Variants in RGS6 observed in about 807,000 individuals in gnomAD.
The protein encoded by RGS6 is regulator of G protein signaling 6.
In RGS6, 30 loss-of-function variants were observed where a neutral mutation model predicts 78.5. The ratio of observed to expected loss-of-function variants is 0.38; its 90% CI spans 0.29 to 0.52. The LOEUF (loss-of-function observed/expected upper bound fraction) is 0.52, where lower values mean the gene tolerates loss of function less well. RGS6 is among the 20% of genes least tolerant of loss of function. RGS6 has a pLI of 0.85. For missense variants in RGS6, 495 were observed against 609.7 expected (o/e 0.81, Z 1.98); for synonymous variants, 206 against 206.0 (o/e 1.00, Z 0.00).
At chr14:72,193,783 T>A (rs1358742236) in intron 2 of RGS6, among the ~76,000 whole-genome samples, 1 of 152,078 alleles carries the variant, frequency 6.6e-6, no homozygotes, top group African/African-American at 2.4e-5. Context: ...AGGCAAGGTA[T>A]ATGGCTGGTA....
chr14:72,176,101 G>A (rs545387003), intron 2 of RGS6, among the ~76,000 whole-genome samples: 1 of 152,292 alleles, frequency 6.6e-6, no homozygotes, highest in South Asian at 2.1e-4. Flanking sequence ...AGGTGGCCCT[G>A]AGTCCCTGTG....
At chr14:72,470,349 C>T (rs1282574532) in intron 8 of RGS6, among the ~76,000 whole-genome samples, 1 of 152,186 alleles carries the variant, frequency 6.6e-6, no homozygotes, top group Non-Finnish European at 1.5e-5. Context: ...AGAAGGTGTA[C>T]CTATTTCCCC....
chr14:72,055,077 G>A (rs1453288266), intron 2 of RGS6, among the ~76,000 whole-genome samples: 1 of 152,206 alleles, frequency 6.6e-6, no homozygotes, highest in Non-Finnish European at 1.5e-5. Flanking sequence ...TATGAGCAGA[G>A]CTGTTAGTAA....
chr14:72,538,020 G>A (rs185445110), intron 16 of RGS6, among the ~76,000 whole-genome samples: 185 of 152,328 alleles, frequency 1.2e-3, no homozygotes, highest in African/African-American at 4.3e-3. Context: ...TATCCTCCCA[G>A]CTCCCGAAGT....
rs114046873 is a variant in RGS6, at chr14:72,311,440, C to T, written c.85-40655C>T. On this transcript the variant is annotated intron_variant, in intron 2 of 17. Transcript: ENST00000553525. Reference sequence around the variant, plus strand: ...AGATTGTTAATGTTTAATGCACTCTCATCAAAGTGGGATAATCCTACGGCT... The same window carrying T: ...AGATTGTTAATGTTTAATGCACTCTTATCAAAGTGGGATAATCCTACGGCT... 2.5e-3 allele frequency among the ~76,000 whole-genome samples: 383 copies of T among 151,996 alleles called. 2 individuals carry two copies. Among genetic ancestry groups the T allele is most frequent in the African/African-American group, 8.9e-3 (368 of 41,422 alleles).
chr14:72,336,585 G>C (rs1036258508), intron 2 of RGS6, among the ~76,000 whole-genome samples: 2 of 152,068 alleles, frequency 1.3e-5, no homozygotes, highest in Non-Finnish European at 2.9e-5. Flanking sequence ...AGGACAGAAA[G>C]GGAAGATGAG....
chr14:71,957,017 G>A (rs1055718537), intron 1 of RGS6, among the ~76,000 whole-genome samples: 1 of 152,190 alleles, frequency 6.6e-6, no homozygotes, highest in Admixed American at 6.5e-5. Flanking sequence ...TGGACAGAGT[G>A]GAGGATGCTT....
chr14:72,540,200 G>A (rs1440451875), intron 17 of RGS6, 106 bp downstream of exon 17: 1 of 1,504,466 alleles, frequency 6.6e-7, no homozygotes, highest in Non-Finnish European at 9.0e-7. Context: ...CTTTGGGGTG[G>A]GAGGGAGTCC....
At chr14:72,549,945 A>AG (rs1360465100) in intron 17 of RGS6, among the ~76,000 whole-genome samples, 1 of 152,108 alleles carries the variant, frequency 6.6e-6, no homozygotes, top group African/African-American at 2.4e-5. Context: ...GGGCCCTGCC[A>AG]GGGGGACTTG....
chr14:72,446,405 C>A (rs938804388), intron 3 of RGS6, among the ~76,000 whole-genome samples: 6 of 152,146 alleles, frequency 3.9e-5, no homozygotes, highest in African/African-American at 1.2e-4. Context: ...GGAGAAAGAA[C>A]CTTGTTCTCT....
chr14:72,028,092 T>C (rs1255525019), intron 2 of RGS6, among the ~76,000 whole-genome samples: 1 of 152,258 alleles, frequency 6.6e-6, no homozygotes, highest in African/African-American at 2.4e-5. Context: ...TGCAGTTTTG[T>C]GTGGGCAGGT....
intron 3 of RGS6, among the ~76,000 whole-genome samples, chr14:72,442,945 A>C (rs1307894737): frequency 2.0e-5 from 3 of 152,214 alleles, no homozygotes; most frequent in Admixed American, 2.0e-4. Context: ...GCCCCAGACC[A>C]AGAAAGGATG....
At chr14:72,270,103 C>T (rs1213034285) in intron 2 of RGS6, among the ~76,000 whole-genome samples, 1 of 152,206 alleles carries the variant, frequency 6.6e-6, no homozygotes, top group Non-Finnish European at 1.5e-5. Flanking sequence ...TCTAGAGAGG[C>T]TTCCTGGAGG....
chr14:72,216,996 C>T (rs181813435), intron 2 of RGS6, among the ~76,000 whole-genome samples: 11 of 152,198 alleles, frequency 7.2e-5, no homozygotes, highest in East Asian at 3.9e-4. Flanking sequence ...CAGGCACATT[C>T]GGAGGTGTGT....
At chr14:72,627,471 A>G in the RGS6 span, among the ~76,000 whole-genome samples, 1 of 151,964 alleles carries the variant, frequency 6.6e-6, no homozygotes, top group South Asian at 2.1e-4. Context: ...ATGTAGTTGG[A>G]TCTATTTATG....
At chr14:72,031,683 C>T (rs1025871604) in intron 2 of RGS6, among the ~76,000 whole-genome samples, 1 of 152,160 alleles carries the variant, frequency 6.6e-6, no homozygotes, top group South Asian at 2.1e-4. Flanking sequence ...GCTGTTAAAG[C>T]CTTTCTAGAA....
intron 2 of RGS6, among the ~76,000 whole-genome samples, chr14:72,231,532 G>A (rs182904550): frequency 6.6e-6 from 1 of 152,178 alleles, no homozygotes; most frequent in Non-Finnish European, 1.5e-5. Context: ...GTGGGAGGAG[G>A]TATCTGCTAA....
At chr14:72,043,161 G>A (rs990086465) in intron 2 of RGS6, among the ~76,000 whole-genome samples, 5 of 151,776 alleles carry the variant, frequency 3.3e-5, no homozygotes, top group Non-Finnish European at 7.4e-5. Context: ...ACTTTTTTTA[G>A]ATTTGTGGTA....
At chr14:72,171,365 G>A (rs2238252) in intron 2 of RGS6, among the ~76,000 whole-genome samples, 26,817 of 151,938 alleles carry the variant, frequency 0.18, 2,486 homozygotes, top group Admixed American at 0.25. Flanking sequence ...GTGGAAGAAC[G>A]TCATATACAA....
Sources: allele counts gnomAD v4.1 joint callset (sites outside exome capture counted in the v4.1 genomes callset), GRCh38; gene constraint gnomAD v4.1.1; transcripts MANE v1.5; gene names NCBI Gene and HGNC (gene_info 2026-07-23, HGNC 2026-07-21).